The following ABTB3 variants were observed in gnomAD, a reference collection of about 807,000 sequenced individuals.
ABTB3 encodes the protein ankyrin repeat and BTB domain containing 3.
the ABTB3 span, among the ~76,000 whole-genome samples, chr12:107,645,569 GGAAA>G: frequency 1.3e-5 from 2 of 152,162 alleles, no homozygotes; most frequent in African/African-American, 4.8e-5. Context: ...CCAGCCCTGA[GGAAA>G]GAATCTTTCG....
At chr12:107,611,765 G>GTGTGT in the ABTB3 span, among the ~76,000 whole-genome samples, 1 of 152,118 alleles carries the variant, frequency 6.6e-6, no homozygotes, top group Admixed American at 6.5e-5. Flanking sequence ...CCAGCTATAT[G>GTGTGT]TGTGTTTACT....
chr12:107,657,364 C>T, the ABTB3 span: 1 of 716,334 alleles, frequency 1.4e-6, no homozygotes, highest in Non-Finnish European at 2.4e-6. Flanking sequence ...AAAGTCATAC[C>T]CCATGGGTGT....
the ABTB3 span, among the ~76,000 whole-genome samples, chr12:107,400,015 A>G: frequency 3.0e-3 from 455 of 152,152 alleles, no homozygotes; most frequent in Non-Finnish European, 5.3e-3. Context: ...AAGGATACAA[A>G]CTCATTCTTT....
chr12:107,445,881 TCTCCCC>T, the ABTB3 span, among the ~76,000 whole-genome samples: 1 of 130,830 alleles, frequency 7.6e-6, no homozygotes, highest in Non-Finnish European at 1.6e-5. Flanking sequence ...CCCTCTCCCC[TCTCCCC>T]TCTCCCCTCT....
chr12:107,475,545 C>A, the ABTB3 span, among the ~76,000 whole-genome samples: 2 of 152,150 alleles, frequency 1.3e-5, no homozygotes, highest in African/African-American at 4.8e-5. Flanking sequence ...CAGAGGAGTC[C>A]TTGTAGAACT....
At chr12:107,469,932 C>CTT in the ABTB3 span, among the ~76,000 whole-genome samples, 1 of 79,160 alleles carries the variant, frequency 1.3e-5, no homozygotes, top group Non-Finnish European at 2.4e-5. Flanking sequence ...CTCTCTCTCT[C>CTT]TCTTTCTTTC....
chr12:107,417,805 G>C, the ABTB3 span, among the ~76,000 whole-genome samples: 30 of 152,370 alleles, frequency 2.0e-4, no homozygotes, highest in East Asian at 5.4e-3. Flanking sequence ...ATAGTCTGCA[G>C]AACCTGTGTT....
chr12:107,443,719 G>A, the ABTB3 span, among the ~76,000 whole-genome samples: 3 of 148,876 alleles, frequency 2.0e-5, no homozygotes, highest in African/African-American at 5.0e-5. Flanking sequence ...TAAGGCCCAC[G>A]TTCATAATCT....
At chr12:107,582,709 G>C in the ABTB3 span, among the ~76,000 whole-genome samples, 1 of 152,344 alleles carries the variant, frequency 6.6e-6, no homozygotes, top group Admixed American at 6.5e-5. Flanking sequence ...CTTGTAGGTA[G>C]AAGTGCCAAG....
At chr12:107,501,637 T>C in the ABTB3 span, among the ~76,000 whole-genome samples, 1 of 151,830 alleles carries the variant, frequency 6.6e-6, no homozygotes, top group Non-Finnish European at 1.5e-5. Flanking sequence ...GAGGCAGAGA[T>C]TGTAGTGAGC....
At chr12:107,326,653 G>A in the ABTB3 span, among the ~76,000 whole-genome samples, 8 of 152,126 alleles carry the variant, frequency 5.3e-5, no homozygotes, top group Admixed American at 4.6e-4. Flanking sequence ...CAGAGTCATG[G>A]ATAGTCCTAT....
At chr12:107,443,470 T>C in the ABTB3 span, among the ~76,000 whole-genome samples, 1 of 151,878 alleles carries the variant, frequency 6.6e-6, no homozygotes, top group African/African-American at 2.4e-5. Flanking sequence ...CCAGGTGGAC[T>C]TGTGAAGGAA....
At chr12:107,585,152 G>A in the ABTB3 span, among the ~76,000 whole-genome samples, 1 of 152,158 alleles carries the variant, frequency 6.6e-6, no homozygotes, top group African/African-American at 2.4e-5. Flanking sequence ...GCTCTGGAGT[G>A]AAGGCTGTGT....
chr12:107,352,653 C>G, the ABTB3 span, among the ~76,000 whole-genome samples: 5 of 152,170 alleles, frequency 3.3e-5, no homozygotes, highest in African/African-American at 4.8e-5. Context: ...TATCAGGGAG[C>G]CTTAAGAGCT....
chr12:107,337,665 A>G, the ABTB3 span, among the ~76,000 whole-genome samples: 1 of 152,192 alleles, frequency 6.6e-6, no homozygotes, highest in Non-Finnish European at 1.5e-5. Flanking sequence ...CACCTGGCTC[A>G]TCATCACCAG....
At chr12:107,496,884 T>C in the ABTB3 span, among the ~76,000 whole-genome samples, 1 of 152,150 alleles carries the variant, frequency 6.6e-6, no homozygotes, top group South Asian at 2.1e-4. Context: ...CACTGCTCTG[T>C]CTTATTGTAC....
At chr12:107,417,796 T>C in the ABTB3 span, among the ~76,000 whole-genome samples, 2 of 152,218 alleles carry the variant, frequency 1.3e-5, no homozygotes, top group South Asian at 2.1e-4. Flanking sequence ...CCCTCTGATA[T>C]AGTCTGCAGA....
At chr12:107,524,212 T>C in the ABTB3 span, among the ~76,000 whole-genome samples, 4 of 152,224 alleles carry the variant, frequency 2.6e-5, no homozygotes, top group African/African-American at 9.7e-5. Flanking sequence ...TTTTGTACAT[T>C]CATTAAGTCA....
the ABTB3 span, among the ~76,000 whole-genome samples, chr12:107,366,401 AAGG>A: frequency 6.6e-6 from 1 of 152,200 alleles, no homozygotes; most frequent in African/African-American, 2.4e-5. Flanking sequence ...AGGAAGAAAA[AAGG>A]AAGAAGAGAG....
Sources: allele counts gnomAD v4.1 joint callset (sites outside exome capture counted in the v4.1 genomes callset), GRCh38; gene constraint gnomAD v4.1.1; transcripts MANE v1.5; gene names NCBI Gene and HGNC (gene_info 2026-07-23, HGNC 2026-07-21).